The following ENTPD4 variants were observed in gnomAD, a reference collection of about 807,000 sequenced individuals.
ENTPD4 encodes ectonucleoside triphosphate diphosphohydrolase 4, also known as Golgi UDPase.
A neutral mutation model predicts 79.1 loss-of-function variants in ENTPD4; 60 were observed. That is an observed-to-expected ratio of 0.76 (90% CI 0.62 to 0.94). The LOEUF is 0.94. Among genes scored for constraint, ENTPD4 ranks in the 40% least tolerant of loss-of-function variants. The pLI is 0.00. For synonymous variants in ENTPD4, 276 were observed against 292.0 expected (o/e 0.95, Z 0.56); for missense variants, 772 against 775.1 (o/e 1.00, Z 0.05).
rs554223103 is a variant in ENTPD4 at position 23,437,063 on chromosome 8, C to T, written c.1245G>A (p.Gly415=). The T allele has an allele frequency of 3.7e-6, 6 of 1,613,924 alleles. No homozygotes were observed. The highest frequency in any genetic ancestry group is 2.2e-5 in the East Asian group (1 of 44,890). The part of the protein sequence containing the change: ...KTNETQTSLN[G]VYQPPIHFQN... The stretch of plus-strand genomic sequence containing the variant: ...GGAAGTGAATTGGGGGCTGGTAGAC[C>T]CCATTGAGGGAAGTCTGGGTCTCGT... Residue 415 remains glycine (G), a synonymous_variant, in exon 10 of 13, where the codon GGG becomes GGA. Transcript: ENST00000358689.
rs1210473675 is a variant in ENTPD4, at chr8:23,441,996, A to T, written c.727+11T>A. On this transcript the variant is annotated intron_variant, in intron 7 of 12. Transcript: ENST00000358689. ...CCAACTAGATACATTTGTTGGAACC[A>T]TGACACTTACCATCTTCAATATGCT... 1.9e-6 allele frequency: 3 copies of T among 1,609,824 alleles called. No homozygotes were observed. The Admixed American group carries it at 5.0e-5, about 27-fold the overall frequency.
At chr8:23,448,591 A>C in intron 3 of ENTPD4, 151 bp downstream of exon 3, 2 of 647,386 alleles carry the variant, frequency 3.1e-6, no homozygotes, top group Non-Finnish European at 5.3e-6. Flanking sequence ...TGGCACCTTG[A>C]TCGTGGATTT....
intron 1 of ENTPD4, among the ~76,000 whole-genome samples, chr8:23,455,846 C>A (rs1800948449): frequency 6.6e-6 from 1 of 152,194 alleles, no homozygotes; most frequent in Non-Finnish European, 1.5e-5. Context: ...CACCAATCCC[C>A]ATTGACCTGG....
In ENTPD4 at chr8:23,447,904, T is replaced by C. The variant is rs1246541153; in HGVS notation, c.207-19A>G. 1 of 1,600,878 alleles carries C rather than the reference T, an allele frequency of 6.2e-7. No individual in the cohort carries two copies. The highest frequency in any genetic ancestry group is 2.2e-5 in the East Asian group (1 of 44,838). ...CAGGTACCTTGTATAGAAACACACG[T>C]ATGCTTTGATTTAGACAAAGAATAT... is the stretch of plus-strand genomic sequence containing the variant. On this transcript the variant is annotated intron_variant, in intron 3 of 12. Transcript: ENST00000358689.
At chr8:23,435,773 G>A (rs763160788) in intron 10 of ENTPD4, among the ~76,000 whole-genome samples, 7 of 152,118 alleles carry the variant, frequency 4.6e-5, no homozygotes, top group Non-Finnish European at 8.8e-5. Context: ...TGCATGGTAC[G>A]GGCATACATT....
rs1443215020 is a variant in ENTPD4, at chr8:23,441,599, G to A, written c.852C>T (p.Pro284=). The A allele has an allele frequency of 1.2e-6, 2 of 1,614,058 alleles. No homozygotes were observed. The change falls in exon 8 of 13, where the codon CCC becomes CCT. Residue 284 remains proline (P), a synonymous_variant. Coordinates refer to ENST00000358689, the MANE Select transcript of ENTPD4 (RefSeq NM_004901.5). ...GVSTQIAYEV[P]KTVSFASSQQ... ...GTGAGGACGCAAAGCTTACAGTTTTGGGGACTTCGTACGCTATCTGAGTCG... is the reference window on the plus strand; with the variant it reads ...GTGAGGACGCAAAGCTTACAGTTTTAGGGACTTCGTACGCTATCTGAGTCG...
At chr8:23,444,648 G>A in intron 4 of ENTPD4, 42 bp from the exon 5 acceptor site, 1 of 1,576,284 alleles carries the variant, frequency 6.3e-7, no homozygotes, top group Non-Finnish European at 8.7e-7. Flanking sequence ...AGATATTTTA[G>A]CTATAACATG....
intron 10 of ENTPD4, among the ~76,000 whole-genome samples, chr8:23,435,908 C>G (rs1419159509): frequency 6.6e-6 from 1 of 152,090 alleles, no homozygotes; most frequent in Non-Finnish European, 1.5e-5. Flanking sequence ...GGAAAGAGAT[C>G]CCACTTTTCT....
intron 10 of ENTPD4, 31 bp from the exon 11 acceptor site, chr8:23,435,508 A>AG (rs756714815): frequency 6.7e-7 from 1 of 1,495,978 alleles, no homozygotes; most frequent in South Asian, 1.1e-5. Context: ...ATAGATCACT[A>AG]GTAAAGGCTT....
chr8:23,448,018 T>C, intron 3 of ENTPD4, 133 bp from the exon 4 acceptor site: 1 of 664,486 alleles, frequency 1.5e-6, no homozygotes, highest in Non-Finnish European at 2.7e-6. Flanking sequence ...TCAATACAAC[T>C]GTTGAATAAT....
chr8:23,439,280 C>T (rs1360747280), intron 9 of ENTPD4, among the ~76,000 whole-genome samples: 9 of 152,180 alleles, frequency 5.9e-5, no homozygotes, highest in South Asian at 2.1e-4. Flanking sequence ...ATTCCCTTCA[C>T]GATGGTTCTT....
At chr8:23,444,028 A>G (rs1016331661) in intron 5 of ENTPD4, 75 bp from the exon 6 acceptor site, 3 of 1,018,578 alleles carry the variant, frequency 2.9e-6, no homozygotes, top group African/African-American at 3.3e-5. Context: ...GGAAAAAAAT[A>G]AACAAACAAA....
rs144973738 is a variant in ENTPD4 at position 23,432,740 on chromosome 8, C to T, written c.*186G>A. ...GTCTCGATCTCCTGACCTCATGATC[C>T]GCCCGCCTCGGCCTCCCAAAGTGCT... is the stretch of plus-strand genomic sequence containing the variant. On this transcript the variant is annotated 3_prime_UTR_variant, in exon 13 of 13. Transcript: ENST00000358689. The T allele has an allele frequency of 0.027, 35,575 of 1,300,956 alleles. 589 individuals carry two copies. Among genetic ancestry groups the T allele is most frequent in the Non-Finnish European group, 0.032 (31,849 of 987,566 alleles). The allele number at this position is 1,300,956 out of a possible 1,614,324, so 80.6% of individuals were successfully genotyped here.
Position 23,444,542 on chromosome 8 carries a change from A to G in ENTPD4, c.477T>C (p.Phe159=). Reference sequence around the variant, plus strand: ...TTGCCCGTGGCACATGCTCTGCAGCAAAGTTCAAAAGTGGAGAAATGTAAT... The same window carrying G: ...TTGCCCGTGGCACATGCTCTGCAGCGAAGTTCAAAAGTGGAGAAATGTAAT... ...VSDYISPLLN[F]AAEHVPRAKH... is the part of the protein sequence containing the mutation. The change falls in exon 5 of 13, where the codon TTT becomes TTC. Residue 159 remains phenylalanine, a synonymous_variant. Coordinates refer to ENST00000358689, the MANE Select transcript of ENTPD4 (RefSeq NM_004901.5). 1.2e-6 allele frequency: 2 copies of G among 1,614,216 alleles called. No individual in the cohort carries two copies. Among genetic ancestry groups the G allele is most frequent in the Non-Finnish European group, 1.7e-6 (2 of 1,180,010 alleles).
intron 11 of ENTPD4, chr8:23,434,883 T>C (rs1800528223): frequency 7.7e-6 from 2 of 258,902 alleles, no homozygotes; most frequent in Non-Finnish European, 1.3e-5. Context: ...ACTCTAAATA[T>C]TTATTAGAGG....
chr8:23,454,834 T>A (rs2117312029), intron 1 of ENTPD4, among the ~76,000 whole-genome samples: 1 of 152,322 alleles, frequency 6.6e-6, no homozygotes, highest in Non-Finnish European at 1.5e-5. Flanking sequence ...GCACTGTAAT[T>A]TTAACTCAGG....
rs554453373 is a variant in ENTPD4 at position 23,449,993 on chromosome 8, C to T, written c.-93G>A. The T allele has an allele frequency of 7.3e-6, 11 of 1,507,244 alleles. No homozygotes were observed. The African/African-American group carries it at 1.4e-4, about 19-fold the overall frequency. The allele number at this position is 1,507,244 out of a possible 1,614,324, so 93.4% of individuals were successfully genotyped here. On this transcript the variant is annotated 5_prime_UTR_variant, in exon 2 of 13. Coordinates refer to ENST00000358689, the MANE Select transcript of ENTPD4 (RefSeq NM_004901.5). Reference sequence around the variant, plus strand: ...TGCTGGGGTCCTCACGGAGTTAGAGCCCTCCTGTTCCAGGAAGTGAGACAA... The same window carrying T: ...TGCTGGGGTCCTCACGGAGTTAGAGTCCTCCTGTTCCAGGAAGTGAGACAA...
At chr8:23,434,535 A>G in intron 11 of ENTPD4, 57 bp from the exon 12 acceptor site, 1 of 1,429,508 alleles carries the variant, frequency 7.0e-7, no homozygotes, top group Non-Finnish European at 9.7e-7. Context: ...AAGATGGCAC[A>G]CACACACACA....
intron 12 of ENTPD4, 118 bp from the exon 13 acceptor site, chr8:23,433,272 T>C: frequency 2.7e-6 from 2 of 745,150 alleles, no homozygotes; most frequent in East Asian, 2.7e-5. Flanking sequence ...ACTGCAACCC[T>C]ACCTCTGAAA....
Sources: allele counts gnomAD v4.1 joint callset (sites outside exome capture counted in the v4.1 genomes callset), GRCh38; gene constraint gnomAD v4.1.1; transcripts MANE v1.5; gene names NCBI Gene and HGNC (gene_info 2026-07-23, HGNC 2026-07-21).